The following MGAT4C variants were observed in gnomAD, a reference collection of about 807,000 sequenced individuals.
The protein encoded by MGAT4C is MGAT4 family member C.
In MGAT4C, 19 loss-of-function variants were observed where a neutral mutation model predicts 40.1. That is an observed-to-expected ratio of 0.47 (90% CI 0.33 to 0.70). The LOEUF (loss-of-function observed/expected upper bound fraction) is 0.70. Ranked by LOEUF, MGAT4C falls within the 30% of genes least tolerant of loss-of-function variation. The pLI, the probability that MGAT4C is intolerant of heterozygous loss-of-function variation, is 0.02. For missense variants in MGAT4C, 491 were observed against 563.2 expected (o/e 0.87, Z 1.30); for synonymous variants, 181 against 187.1 (o/e 0.97, Z 0.27).
At chr12:86,685,552 T>C (rs1950058997) in intron 2 of MGAT4C, among the ~76,000 whole-genome samples, 1 of 152,194 alleles carries the variant, frequency 6.6e-6, no homozygotes, top group Non-Finnish European at 1.5e-5. Flanking sequence ...AGGTAGTTGT[T>C]TCTAATTCTG....
Position 85,979,764 on chromosome 12 carries a change from G to T in MGAT4C, c.962C>A (p.Thr321Lys). The change falls in exon 5 of 5, where the codon ACG becomes AAG. Residue 321 changes from threonine to lysine, a missense_variant. Thr to Lys is a moderately conservative substitution (Grantham distance 78). Coordinates refer to ENST00000611864, the MANE Select transcript of MGAT4C (RefSeq NM_001351288.2). ...HMGYYSSYKG[T>K]ENKLKDDDFE... ...ATCATCATCCTTCAGCTTATTCTCC[G>T]TCCCTTTGTATGATGAATAATAGCC... 2 of 1,613,386 alleles carry T rather than the reference G, an allele frequency of 1.2e-6. No homozygotes were observed. Among genetic ancestry groups the T allele is most frequent in the Non-Finnish European group, 1.7e-6 (2 of 1,179,750 alleles).
intron 3 of MGAT4C, among the ~76,000 whole-genome samples, chr12:86,403,179 C>A (rs867334834): frequency 4.6e-5 from 7 of 152,174 alleles, no homozygotes; most frequent in Admixed American, 4.6e-4. Context: ...ATCAGTAGCA[C>A]TTTCTTACAT....
At chr12:86,795,149 T>C (rs370500918) in intron 1 of MGAT4C, among the ~76,000 whole-genome samples, 22 of 152,142 alleles carry the variant, frequency 1.4e-4, no homozygotes, top group East Asian at 1.2e-3. Flanking sequence ...TGTTTTCCTT[T>C]ATTACTAAAG....
intron 3 of MGAT4C, among the ~76,000 whole-genome samples, chr12:86,409,598 G>A (rs1333739631): frequency 1.3e-5 from 2 of 152,234 alleles, no homozygotes; most frequent in Admixed American, 6.5e-5. Flanking sequence ...CCTGTTCAAT[G>A]TCAAAATGGA....
At chr12:86,441,126 C>A (rs1957219193) in intron 2 of MGAT4C, among the ~76,000 whole-genome samples, 1 of 151,902 alleles carries the variant, frequency 6.6e-6, no homozygotes, top group Non-Finnish European at 1.5e-5. Flanking sequence ...TATAAAATTT[C>A]TTTGGAACCA....
At chr12:86,480,470 ATATG>A (rs1266410599) in intron 2 of MGAT4C, among the ~76,000 whole-genome samples, 2 of 120,850 alleles carry the variant, frequency 1.7e-5, no homozygotes, top group South Asian at 2.3e-4. Flanking sequence ...ACACATATAC[ATATG>A]TATGTATACA....
intron 2 of MGAT4C, among the ~76,000 whole-genome samples, chr12:86,488,672 A>C (rs1022125912): frequency 5.3e-5 from 8 of 152,140 alleles, no homozygotes; most frequent in Admixed American, 4.6e-4. Context: ...GAGGAACCGT[A>C]TTATTTCTCA....
intron 4 of MGAT4C, among the ~76,000 whole-genome samples, chr12:86,292,233 C>T (rs1005042531): frequency 2.0e-5 from 3 of 151,912 alleles, no homozygotes; most frequent in Non-Finnish European, 2.9e-5. Context: ...AATATAAATA[C>T]ATTTTAGCAA....
At chr12:86,707,832 G>A (rs528522920) in intron 2 of MGAT4C, among the ~76,000 whole-genome samples, 63 of 152,174 alleles carry the variant, frequency 4.1e-4, no homozygotes, top group Non-Finnish European at 7.8e-4. Flanking sequence ...TGCCTGACTT[G>A]GCAGGAGAAG....
At chr12:86,025,536 C>T (rs1431655538) in intron 2 of MGAT4C, among the ~76,000 whole-genome samples, 1 of 151,498 alleles carries the variant, frequency 6.6e-6, no homozygotes, top group East Asian at 1.9e-4. Context: ...TGTTGAAAAG[C>T]TCATAAAACA....
chr12:86,212,891 C>CAAAAAAAAAA (rs71076172), intron 1 of MGAT4C, among the ~76,000 whole-genome samples: 2 of 22,520 alleles, frequency 8.9e-5, no homozygotes, highest in African/African-American at 3.8e-4. Flanking sequence ...GACTCCGTCT[C>CAAAAAAAAAA]AAAAAAAAAA....
chr12:86,598,610 GT>G, intron 2 of MGAT4C, among the ~76,000 whole-genome samples: 1 of 152,178 alleles, frequency 6.6e-6, no homozygotes, highest in South Asian at 2.1e-4. Context: ...AACATGTAGT[GT>G]AATTATTTAC....
intron 1 of MGAT4C, among the ~76,000 whole-genome samples, chr12:86,169,725 T>C (rs948352400): frequency 2.0e-5 from 3 of 152,058 alleles, no homozygotes; most frequent in African/African-American, 7.2e-5. Context: ...AAAATACACA[T>C]CAATAATTCA....
rs576247008 is a variant in MGAT4C, at chr12:86,178,530, T to C, written c.-57+77709A>G. On this transcript the variant is annotated intron_variant, in intron 1 of 4. Coordinates refer to ENST00000611864, the MANE Select transcript of MGAT4C (RefSeq NM_001351288.2). ...TGCCCTAACACATTTTGTTTATTCA[T>C]CACATTTTTATTGTTACTAGTTTTA... is the stretch of plus-strand genomic sequence containing the variant. Among the ~76,000 whole-genome samples, 3 of 152,308 alleles carry C rather than the reference T, an allele frequency of 2.0e-5. No individual in the cohort carries two copies. In the South Asian group the frequency reaches 6.2e-4, roughly 32 times the overall value.
chr12:86,779,773 C>T (rs559736593), intron 1 of MGAT4C, among the ~76,000 whole-genome samples: 21 of 151,882 alleles, frequency 1.4e-4, no homozygotes, highest in Non-Finnish European at 2.6e-4. Context: ...ATTAGCCGGG[C>T]GTGGTGGCGG....
chr12:86,544,344 C>T (rs1285320306), intron 2 of MGAT4C, among the ~76,000 whole-genome samples: 2 of 151,770 alleles, frequency 1.3e-5, no homozygotes, highest in Non-Finnish European at 2.9e-5. Flanking sequence ...TATGTTTAAT[C>T]AATTCAATTA....
intron 4 of MGAT4C, among the ~76,000 whole-genome samples, chr12:86,277,837 C>T (rs181885373): frequency 1.3e-5 from 2 of 151,990 alleles, no homozygotes; most frequent in African/African-American, 4.8e-5. Context: ...ATGATTCCTC[C>T]AATTTTGATT....
intron 2 of MGAT4C, among the ~76,000 whole-genome samples, chr12:86,437,542 G>T (rs1020439468): frequency 6.6e-6 from 1 of 151,836 alleles, no homozygotes; most frequent in Non-Finnish European, 1.5e-5. Flanking sequence ...GTTATTCTCA[G>T]TCTCTTTACA....
intron 1 of MGAT4C, among the ~76,000 whole-genome samples, chr12:86,235,433 A>C (rs1169918840): frequency 6.6e-6 from 1 of 152,044 alleles, no homozygotes; most frequent in Admixed American, 6.6e-5. Flanking sequence ...TCCTCCTTCA[A>C]ACAGATTACA....
Sources: gnomAD v4.1 joint callset for allele counts (sites outside exome capture counted in the v4.1 genomes callset) on GRCh38, gnomAD v4.1.1 for gene constraint, MANE v1.5 for transcripts, NCBI Gene and HGNC (gene_info 2026-07-23, HGNC 2026-07-21) for gene names.